MLXIPL: variants seen among roughly 807,000 people sequenced by gnomAD.
The protein encoded by MLXIPL is MLX interacting protein like, also known as carbohydrate-responsive element-binding protein.
In MLXIPL, 49 loss-of-function variants were observed where a neutral mutation model predicts 81.5. The ratio of observed to expected loss-of-function variants is 0.60; its 90% confidence interval spans 0.48 to 0.76. The LOEUF (loss-of-function observed/expected upper bound fraction) is 0.76, where lower values mean the gene tolerates loss of function less well. Among genes scored for constraint, MLXIPL ranks in the 30% least tolerant of loss-of-function variants. The pLI, the probability that MLXIPL is intolerant of heterozygous loss-of-function variation, is 0.00. For synonymous variants in MLXIPL, 466 were observed against 485.5 expected, an observed-to-expected ratio of 0.96 and a Z score of 0.53; for missense variants, 1,053 against 1,167.0, an observed-to-expected ratio of 0.90 and a Z score of 1.42.
At chr7:73,643,480 C>G in the MLXIPL span, among the ~76,000 whole-genome samples, 2 of 150,542 alleles carry the variant, frequency 1.3e-5, no homozygotes, top group Non-Finnish European at 2.9e-5. Flanking sequence ...CGCCACTGCA[C>G]TCCAGCCTGG....
chr7:73,622,212 C>T (rs1338322825), intron 1 of MLXIPL, among the ~76,000 whole-genome samples: 1 of 151,650 alleles, frequency 6.6e-6, no homozygotes, highest in Non-Finnish European at 1.5e-5. Context: ...TTTTTTTGGC[C>T]AGGCATGTTG....
At chr7:73,631,741 T>TCCTCTCTCCCCTTCTC in the MLXIPL span, among the ~76,000 whole-genome samples, 1 of 147,328 alleles carries the variant, frequency 6.8e-6, no homozygotes, top group Admixed American at 6.8e-5. Context: ...TTCCTTTCCT[T>TCCTCTCTCCCCTTCTC]CCTCTCTCCC....
At chr7:73,616,423 A>C (rs559459925) in intron 1 of MLXIPL, among the ~76,000 whole-genome samples, 70 of 152,308 alleles carry the variant, frequency 4.6e-4, no homozygotes, top group African/African-American at 1.6e-3. Flanking sequence ...CTACTGCAGA[A>C]CAAAAGCCAC....
At chr7:73,606,317 C>T (rs1795276286) in intron 5 of MLXIPL, 2 of 614,584 alleles carry the variant, frequency 3.3e-6, no homozygotes, top group Non-Finnish European at 5.8e-6. Flanking sequence ...GGAGATAGAC[C>T]AGGATGCAGA....
rs1228396925 is a variant in MLXIPL at position 73,596,062 on chromosome 7, G to A, written c.2058+91C>T. ...GGGATGGGAGGAGGCAAGAGTGTCTGGAGCACTCCCCTGCAATTGAGTTTT... is the reference window on the plus strand; with the variant it reads ...GGGATGGGAGGAGGCAAGAGTGTCTAGAGCACTCCCCTGCAATTGAGTTTT... On this transcript the variant is annotated intron_variant, in intron 13 of 16. Transcript: ENST00000313375. This position sits in a 1 kb window ranked among gnomAD's most constrained non-coding sequence, Gnocchi z 4.7. The A allele has an allele frequency of 6.3e-7, 1 of 1,598,664 alleles. No homozygotes were observed. Among genetic ancestry groups the A allele is most frequent in the Non-Finnish European group, 8.5e-7 (1 of 1,175,320 alleles).
chr7:73,616,107 G>A lies in MLXIPL; in HGVS notation c.364C>T (p.Leu122=). The change falls in exon 2 of 17, where the codon CTG becomes TTG. Residue 122 remains leucine, a synonymous_variant. Transcript: ENST00000313375. ...LKLLCRDKIR[L]NNAIWRAWYI... is the part of the protein sequence containing the mutation. ...CAGGCCCTCCAGATGGCGTTGTTCA[G>A]GCGGATCTTGTCTCTGCAGAGCAGC... The A allele has an allele frequency of 6.2e-7, 1 of 1,614,040 alleles. No homozygotes were observed. Among genetic ancestry groups the A allele is most frequent in the Non-Finnish European group, 8.5e-7 (1 of 1,180,012 alleles).
rs1554594667 is a variant in MLXIPL, at chr7:73,597,446, A to T, written c.1339T>A (p.Ser447Thr). The change falls in exon 9 of 17, where the codon TCT becomes ACT. Residue 447 changes from serine to threonine, a missense_variant. By Grantham distance (58) the Ser-to-Thr change is moderately conservative (BLOSUM62 1). Around this residue, in one of 3 missense-constraint regions of MLXIPL, gnomAD observed 823 missense variants for 933.0 expected, o/e 0.88. Coordinates refer to ENST00000313375, the MANE Select transcript of MLXIPL (RefSeq NM_032951.3). ...FPTVPPAPGV[S>T]PLPAPAAFPP... ...AAGGCTGCAGGAGCAGGCAGCGGAGACACTCCTGGGGCAGGAGGGACGGTG... is the reference window on the plus strand; with the variant it reads ...AAGGCTGCAGGAGCAGGCAGCGGAGTCACTCCTGGGGCAGGAGGGACGGTG... 1 of 1,430,738 alleles carries T rather than the reference A, an allele frequency of 7.0e-7. No individual in the cohort carries two copies. The highest frequency in any genetic ancestry group is 1.5e-5 in the African/African-American group (1 of 68,810). The allele number at this position is 1,430,738 out of a possible 1,614,324, so 88.6% of individuals were successfully genotyped here.
chr7:73,597,542 A>C lies in MLXIPL; in HGVS notation c.1243T>G (p.Phe415Val), dbSNP rs1794443607. Reference protein sequence around the residue: ...PGLEPCPPPPFPPMAPPTALL... With the variant: ...PGLEPCPPPPVPPMAPPTALL... ...GCAGTGGGTGGTGCCATGGGAGGGA[A>C]GGGAGGTGGGGGGCAGGGCTCCAGG... The change falls in exon 9 of 17, where the codon TTC (phenylalanine) becomes GTC (valine). Residue 415 changes from phenylalanine to valine, a missense_variant. Phe to Val is a conservative substitution (Grantham distance 50). Transcript: ENST00000313375. The C allele has an allele frequency of 2.0e-6, 2 of 980,130 alleles. No homozygotes were observed. Among genetic ancestry groups the C allele is most frequent in the Non-Finnish European group, 2.4e-6 (2 of 827,062 alleles). The allele number at this position is 980,130 out of a possible 1,614,324, so 60.7% of individuals were successfully genotyped here. A position where few individuals can be genotyped will look rare whatever the true frequency, so the allele number is the denominator to read the frequency against.
chr7:73,633,765 A>G, the MLXIPL span, among the ~76,000 whole-genome samples: 42,689 of 151,940 alleles, frequency 0.28, 6,256 homozygotes, highest in African/African-American at 0.34. Context: ...GATAGTCTGG[A>G]GTTTGATGGT....
chr7:73,614,928 AGCCTGCCGAGTAGCTGGGACTACAGGC>A (rs1563505500), intron 2 of MLXIPL, among the ~76,000 whole-genome samples: 1 of 150,128 alleles, frequency 6.7e-6, no homozygotes, highest in African/African-American at 2.5e-5. Context: ...CTCCTGCCTC[AGCCTGCCGAGTAGCTGGGACTACAGGC>A]ACCCGCCACC....
At chr7:73,620,678 G>A (rs1183413104) in intron 1 of MLXIPL, among the ~76,000 whole-genome samples, 1 of 151,702 alleles carries the variant, frequency 6.6e-6, no homozygotes, top group Non-Finnish European at 1.5e-5. Flanking sequence ...TTGGGTGGAG[G>A]TTGCAGTGAG....
At position 73,623,052 on chromosome 7, in the gene MLXIPL, G is replaced by C. The variant is rs1395224899; in HGVS notation, c.293+1148C>G. Among the ~76,000 whole-genome samples, 10 of 152,154 alleles carry C rather than the reference G, an allele frequency of 6.6e-5. No homozygotes were observed. Among genetic ancestry groups the C allele is most frequent in the African/African-American group, 2.2e-4 (9 of 41,462 alleles). Reference sequence around the variant, plus strand: ...TCCACACGGGTCCGACGCCCTGGCCGATCGGGTTGCAACATGACCTGGGCC... The same window carrying C: ...TCCACACGGGTCCGACGCCCTGGCCCATCGGGTTGCAACATGACCTGGGCC... On this transcript the variant is annotated intron_variant, in intron 1 of 16. Coordinates refer to ENST00000313375, the MANE Select transcript of MLXIPL (RefSeq NM_032951.3). This position sits in a 1 kb window ranked among gnomAD's most constrained non-coding sequence, Gnocchi z 5.7.
chr7:73,643,426 A>G, the MLXIPL span, among the ~76,000 whole-genome samples: 1 of 151,634 alleles, frequency 6.6e-6, no homozygotes, highest in Admixed American at 6.6e-5. Context: ...AGGCAGGAGA[A>G]TGGCGTGAAC....
chr7:73,644,146 C>T, the MLXIPL span, among the ~76,000 whole-genome samples: 2 of 152,024 alleles, frequency 1.3e-5, no homozygotes, highest in African/African-American at 2.4e-5. Flanking sequence ...AATCCTCCTG[C>T]CTTGGCCTCC....
chr7:73,636,105 G>C, the MLXIPL span, among the ~76,000 whole-genome samples: 2 of 152,132 alleles, frequency 1.3e-5, no homozygotes. Context: ...GTGCTTGAGG[G>C]GGACCTCAAA....
At chr7:73,625,195 G>A (rs1219915720), upstream of MLXIPL, among the ~76,000 whole-genome samples, 2 of 151,772 alleles carry the variant, frequency 1.3e-5, no homozygotes, top group East Asian at 3.9e-4. Context: ...ACAACAAAAG[G>A]GTCCCCTATC....
chr7:73,638,405 A>G, the MLXIPL span, among the ~76,000 whole-genome samples: 7 of 152,206 alleles, frequency 4.6e-5, no homozygotes, highest in Non-Finnish European at 5.9e-5. Context: ...CCCAGGTTCA[A>G]GCGATTTTCC....
intron 2 of MLXIPL, among the ~76,000 whole-genome samples, chr7:73,612,499 G>A (rs969351410): frequency 3.9e-5 from 6 of 152,034 alleles, no homozygotes; most frequent in East Asian, 1.9e-4. Flanking sequence ...AAAATTAGCC[G>A]GGCGTGGTGG....
chr7:73,636,050 G>A, the MLXIPL span, among the ~76,000 whole-genome samples: 33 of 152,192 alleles, frequency 2.2e-4, 1 homozygote, highest in Admixed American at 3.9e-4. Flanking sequence ...AAGGGCGGCC[G>A]GACTTGCAGC....
Sources: gnomAD v4.1 joint callset for allele counts (sites outside exome capture counted in the v4.1 genomes callset) on GRCh38, gnomAD v4.1.1 for gene constraint, gnomAD v4.1.1 regional missense constraint, Gnocchi (gnomAD v3.1) non-coding constraint, MANE v1.5 for transcripts, NCBI Gene and HGNC (gene_info 2026-07-23, HGNC 2026-07-21) for gene names.